The following BCAS3 variants were observed in gnomAD, a reference collection of about 807,000 sequenced individuals.
The protein encoded by BCAS3 is BCAS4/BCAS3 fusion.
A neutral mutation model predicts 116.1 loss-of-function variants in BCAS3; 53 were observed. The ratio of observed to expected loss-of-function variants is 0.46; its 90% CI spans 0.37 to 0.57. The LOEUF is 0.57. BCAS3 is among the 20% of genes least tolerant of loss of function. The pLI is 0.00. For synonymous variants in BCAS3, 391 were observed against 408.2 expected (o/e 0.96, Z 0.51); for missense variants, 917 against 1,165.4 (o/e 0.79, Z 3.10).
rs1462648247 is a variant in BCAS3, at chr17:61,212,352, C to T, written c.2425+127788C>T. 2.6e-5 allele frequency among the ~76,000 whole-genome samples: 4 copies of T among 152,134 alleles called. No homozygotes were observed. In the East Asian group the frequency reaches 7.7e-4, roughly 29 times the overall value. The stretch of plus-strand genomic sequence containing the variant: ...TCCTGGGCTGAAGTGATCCTCCATC[C>T]TCAGCCTCCCAAAGCACTGAGATAA... On this transcript the variant is annotated intron_variant, in intron 22 of 23. Coordinates refer to ENST00000407086, the MANE Select transcript of BCAS3 (RefSeq NM_017679.5).
rs1049200385 is a variant in BCAS3, at chr17:61,051,839, A to G, written c.2029+10947A>G. Reference sequence around the variant, plus strand: ...TAAATCCATACTCAAGGGAAAAATTATAGGGCTAATGTTTATATTATAAAG... The same window carrying G: ...TAAATCCATACTCAAGGGAAAAATTGTAGGGCTAATGTTTATATTATAAAG... On this transcript the variant is annotated intron_variant, in intron 19 of 23. Transcript: ENST00000407086. The surrounding 1 kb of genome is among the most constrained non-coding windows in gnomAD (Gnocchi z 4.1). Among the ~76,000 whole-genome samples, 1 of 152,232 alleles carries G rather than the reference A, an allele frequency of 6.6e-6. No individual in the cohort carries two copies. Among genetic ancestry groups the G allele is most frequent in the Non-Finnish European group, 1.5e-5 (1 of 68,042 alleles).
intron 14 of BCAS3, among the ~76,000 whole-genome samples, chr17:60,979,144 G>A (rs929109266): frequency 4.0e-5 from 6 of 151,008 alleles, no homozygotes; most frequent in African/African-American, 1.2e-4. Context: ...AGCATGAAAT[G>A]TTCTTCCATT....
intron 22 of BCAS3, among the ~76,000 whole-genome samples, chr17:61,340,210 T>C (rs1241192765): frequency 6.6e-6 from 1 of 151,810 alleles, no homozygotes; most frequent in Non-Finnish European, 1.5e-5. Flanking sequence ...AGAAGGTCTT[T>C]CTTTTTTTCT....
At chr17:61,292,257 C>T (rs2052487727) in intron 22 of BCAS3, among the ~76,000 whole-genome samples, 1 of 152,134 alleles carries the variant, frequency 6.6e-6, no homozygotes, top group African/African-American at 2.4e-5. Flanking sequence ...ACTTTCCTTG[C>T]CATTGAACAT....
intron 14 of BCAS3, among the ~76,000 whole-genome samples, chr17:60,953,013 C>T (rs2060926925): frequency 6.6e-6 from 1 of 151,404 alleles, no homozygotes; most frequent in Admixed American, 6.6e-5. Context: ...TCTAGTCTGC[C>T]ATTGATAGGC....
At chr17:61,272,601 T>G (rs941618960) in intron 22 of BCAS3, among the ~76,000 whole-genome samples, 2 of 115,316 alleles carry the variant, frequency 1.7e-5, no homozygotes, top group Non-Finnish European at 3.2e-5. Flanking sequence ...AGTGCACCAC[T>G]GCACTCCAGC....
chr17:60,857,693 CAG>C (rs1467168257), intron 7 of BCAS3, among the ~76,000 whole-genome samples: 6 of 152,114 alleles, frequency 3.9e-5, no homozygotes, highest in Non-Finnish European at 8.8e-5. Context: ...AAAGAGAAAA[CAG>C]AGAACAAAAG....
chr17:60,925,193 C>T (rs566341366), intron 13 of BCAS3, among the ~76,000 whole-genome samples: 25 of 152,110 alleles, frequency 1.6e-4, no homozygotes, highest in South Asian at 1.2e-3. Context: ...AGTATTGCCA[C>T]GATGCTTGGC....
chr17:60,735,952 G>T (rs999996193), intron 5 of BCAS3, among the ~76,000 whole-genome samples: 2 of 152,148 alleles, frequency 1.3e-5, no homozygotes, highest in Admixed American at 1.3e-4. Context: ...TTAAGTGAGT[G>T]TAAGTGAGCT....
chr17:60,746,203 T>C (rs1410732268), intron 5 of BCAS3, among the ~76,000 whole-genome samples: 1 of 152,170 alleles, frequency 6.6e-6, no homozygotes, highest in Non-Finnish European at 1.5e-5. Context: ...TAGGCAATTA[T>C]GAAAATGGTT....
In BCAS3 at chr17:60,989,958, ATC is replaced by A; in HGVS notation, c.1222-10_1222-9del. On this transcript the variant is annotated splice_polypyrimidine_tract_variant and intron_variant, in intron 14 of 23. Coordinates refer to ENST00000407086, the MANE Select transcript of BCAS3 (RefSeq NM_017679.5). ...TTGAGACATTTTTGTATCTTTTCTT[ATC>A]TCATTTCTAGGTACAGGACATCTGC... 1 of 1,606,516 alleles carries A rather than the reference ATC, an allele frequency of 6.2e-7. No homozygotes were observed. Among genetic ancestry groups the A allele is most frequent in the Non-Finnish European group, 8.5e-7 (1 of 1,174,322 alleles).
chr17:60,814,574 C>T (rs773472939), intron 7 of BCAS3, among the ~76,000 whole-genome samples: 1 of 151,958 alleles, frequency 6.6e-6, no homozygotes, highest in Non-Finnish European at 1.5e-5. Context: ...TGCCTGATTG[C>T]TCTGGCAAAC....
At chr17:60,997,719 C>G (rs2063933275) in intron 15 of BCAS3, among the ~76,000 whole-genome samples, 1 of 152,214 alleles carries the variant, frequency 6.6e-6, no homozygotes, top group African/African-American at 2.4e-5. Flanking sequence ...GGTACACATT[C>G]AACCCCATCT....
chr17:60,750,367 G>A (rs1397195893), intron 6 of BCAS3, among the ~76,000 whole-genome samples: 2 of 152,072 alleles, frequency 1.3e-5, no homozygotes, highest in Admixed American at 6.6e-5. Flanking sequence ...CTTTAAAAAT[G>A]TATACCAAGC....
rs958180031 is a variant in BCAS3 at position 61,387,341 on chromosome 17, A to G, written c.2594-4636A>G. Among the ~76,000 whole-genome samples the G allele has an allele frequency of 1.3e-5, 2 of 151,860 alleles. No individual in the cohort carries two copies. Among genetic ancestry groups the G allele is most frequent in the Non-Finnish European group, 2.9e-5 (2 of 67,958 alleles). ...ACAAAGAGTGACCCCACCCCACCCCATCTCCCTGGGCACACGCTCCCAAGT... is the reference window on the plus strand; with the variant it reads ...ACAAAGAGTGACCCCACCCCACCCCGTCTCCCTGGGCACACGCTCCCAAGT... On this transcript the variant is annotated intron_variant, in intron 23 of 23. Transcript: ENST00000407086. This position sits in a 1 kb window ranked among gnomAD's most constrained non-coding sequence, Gnocchi z 6.2.
chr17:61,086,619 G>A, intron 22 of BCAS3: 5 of 920,800 alleles, frequency 5.4e-6, no homozygotes, highest in Non-Finnish European at 6.5e-6. Flanking sequence ...CGATGGCATT[G>A]ACCCTCTCTG....
At chr17:61,322,074 C>T (rs2055269412) in intron 22 of BCAS3, among the ~76,000 whole-genome samples, 1 of 152,076 alleles carries the variant, frequency 6.6e-6, no homozygotes, top group African/African-American at 2.4e-5. Flanking sequence ...GCTGGGATTA[C>T]AGGCATGCAC....
intron 22 of BCAS3, among the ~76,000 whole-genome samples, chr17:61,101,477 T>C (rs1284785983): frequency 2.0e-5 from 3 of 152,126 alleles, no homozygotes; most frequent in African/African-American, 7.2e-5. Flanking sequence ...AGTGATTATA[T>C]TTCCCTTAGA....
intron 6 of BCAS3, among the ~76,000 whole-genome samples, chr17:60,777,206 C>G (rs1341539073): frequency 1.3e-5 from 2 of 152,092 alleles, no homozygotes; most frequent in Non-Finnish European, 2.9e-5. Flanking sequence ...TGGTGTCTTT[C>G]CCATCACCAC....
Sources: allele counts gnomAD v4.1 joint callset (sites outside exome capture counted in the v4.1 genomes callset), GRCh38; gene constraint gnomAD v4.1.1; non-coding constraint Gnocchi (gnomAD v3.1); transcripts MANE v1.5; gene names NCBI Gene and HGNC (gene_info 2026-07-23, HGNC 2026-07-21).